The following B4GALT3 variants were observed in gnomAD, a reference collection of about 807,000 sequenced individuals.
B4GALT3 encodes N-acetyllactosamine synthase.
B4GALT3 carries 29 observed loss-of-function variants against 40.7 expected under a neutral mutation model. That is an observed-to-expected ratio of 0.71 (90% CI 0.53 to 0.97). The LOEUF is 0.97. Ranked by LOEUF, B4GALT3 falls within the 50% of genes least tolerant of loss-of-function variation. B4GALT3 has a pLI of 0.00. For synonymous variants in B4GALT3, 182 were observed against 203.9 expected, an observed-to-expected ratio of 0.89 and a Z score of 0.92; for missense variants, 390 against 522.3, an observed-to-expected ratio of 0.75 and a Z score of 2.47.
intron 2 of B4GALT3, 89 bp downstream of exon 2, chr1:161,176,345 A>C (rs1663513611): frequency 5.7e-6 from 3 of 526,424 alleles, no homozygotes; most frequent in African/African-American, 1.9e-5. Context: ...ACCCCCAAAA[A>C]TGTTTACATC....
intron 1 of B4GALT3, chr1:161,177,099 G>A: frequency 6.5e-7 from 1 of 1,528,172 alleles, no homozygotes; most frequent in Non-Finnish European, 8.8e-7. Flanking sequence ...TGGGGAGGAG[G>A]GTTACTGCTG....
rs1382855156 is a variant in B4GALT3 at position 161,176,016 on chromosome 1, A to G, written c.45T>C (p.Leu15=). 1.9e-6 allele frequency: 3 copies of G among 1,614,138 alleles called. No homozygotes were observed. The highest frequency in any genetic ancestry group is 2.5e-6 in the Non-Finnish European group (3 of 1,180,024). ...TCATGACAGCCAGCTGGGAGCCCAC[A>G]AGCAGGGCCAGCGTGCAAGGCCGCT... ...LLERPCTLAL[L]VGSQLAVMMY... is the part of the protein sequence containing the mutation. The change falls in exon 3 of 8, where the codon CTT becomes CTC. Residue 15 remains leucine, a synonymous_variant. Transcript: ENST00000319769.
Position 161,171,586 on chromosome 1 carries a change from A to G in B4GALT3, c.*230T>C. ...CTAGGAATCGTCACATAAAATCATG[A>G]CATCAAGGATTCACAGTCATAAGCC... On this transcript the variant is annotated 3_prime_UTR_variant, in exon 8 of 8. Transcript: ENST00000319769. 1 of 626,814 alleles carries G rather than the reference A, an allele frequency of 1.6e-6. No homozygotes were observed. Among genetic ancestry groups the G allele is most frequent in the Non-Finnish European group, 2.7e-6 (1 of 365,350 alleles). The allele number at this position is 626,814 out of a possible 1,614,324, so 38.8% of individuals were successfully genotyped here.
At chr1:161,173,173 A>G (rs1314025175) in intron 6 of B4GALT3, among the ~76,000 whole-genome samples, 2 of 152,230 alleles carry the variant, frequency 1.3e-5, no homozygotes, top group African/African-American at 4.8e-5. Context: ...GCTGAAGGTC[A>G]GAATGTTTCA....
At chr1:161,177,022 C>T in intron 1 of B4GALT3, 1 of 1,535,966 alleles carries the variant, frequency 6.5e-7, no homozygotes, top group East Asian at 2.4e-5. Flanking sequence ...AGCCCCGGAG[C>T]TCGGCGGAGA....
chr1:161,177,352 A>G (rs1571552168), intron 1 of B4GALT3, 71 bp downstream of exon 1: 2 of 445,034 alleles, frequency 4.5e-6, no homozygotes, highest in East Asian at 8.1e-5. Context: ...GTTACCCAAA[A>G]CTTCTCACTC....
At chr1:161,177,538 G>T (rs1323555153), upstream of B4GALT3, 2 of 169,930 alleles carry the variant, frequency 1.2e-5, no homozygotes, top group Non-Finnish European at 2.6e-5. Flanking sequence ...GCGGGGCCTC[G>T]GGGCGGAGCC....
chr1:161,176,747 T>G, intron 1 of B4GALT3, 168 bp from the exon 2 acceptor site: 1 of 896,166 alleles, frequency 1.1e-6, no homozygotes, highest in Non-Finnish European at 1.7e-6. Context: ...CCTGGAATGA[T>G]AAGTGTCAGG....
intron 4 of B4GALT3, 122 bp downstream of exon 4, chr1:161,174,871 A>C (rs923900564): frequency 6.1e-5 from 65 of 1,065,416 alleles, no homozygotes; most frequent in Middle Eastern, 2.1e-4. Context: ...GCTTCTCCAC[A>C]CTCTAACAGT....
rs1661532456 is a variant in B4GALT3, at chr1:161,171,811, A to G, written c.*5T>C. On this transcript the variant is annotated 3_prime_UTR_variant, in exon 8 of 8. Transcript: ENST00000319769. ...TTCATGATTAAGGTAGACAGGAAGG[A>G]GGAGTCAGTGTGAACCTCGGAGGGC... The G allele has an allele frequency of 6.2e-7, 1 of 1,613,814 alleles. No individual in the cohort carries two copies. Among genetic ancestry groups the G allele is most frequent in the Non-Finnish European group, 8.5e-7 (1 of 1,179,894 alleles).
At chr1:161,172,472 A>G in intron 6 of B4GALT3, 141 bp from the exon 7 acceptor site, 1 of 698,436 alleles carries the variant, frequency 1.4e-6, no homozygotes, top group Non-Finnish European at 2.3e-6. Flanking sequence ...AGTCAAACAG[A>G]AAGAAGGAAA....
intron 3 of B4GALT3, among the ~76,000 whole-genome samples, chr1:161,175,593 G>A (rs926351173): frequency 6.6e-6 from 1 of 152,132 alleles, no homozygotes; most frequent in African/African-American, 2.4e-5. Context: ...ACAAGCAGTA[G>A]AAAGTGGAAA....
chr1:161,171,692 C>T lies in B4GALT3; in HGVS notation c.*124G>A, dbSNP rs1216763402. ...TCCAGCAGTGAGGGAGAGGCCCCTA[C>T]CCCCTAGCACGGCACCAGAGTTCAG... On this transcript the variant is annotated 3_prime_UTR_variant, in exon 8 of 8. Coordinates refer to ENST00000319769, the MANE Select transcript of B4GALT3 (RefSeq NM_003779.4). 1 of 1,373,554 alleles carries T rather than the reference C, an allele frequency of 7.3e-7. No homozygotes were observed. Among genetic ancestry groups the T allele is most frequent in the East Asian group, 2.3e-5 (1 of 43,204 alleles). The allele number at this position is 1,373,554 out of a possible 1,614,324, so 85.1% of individuals were successfully genotyped here. A position where few individuals can be genotyped will look rare whatever the true frequency, so the allele number is the denominator to read the frequency against.
Position 161,171,746 on chromosome 1 carries a change from G to A in B4GALT3, c.*70C>T. ...CCTCACATCCCTCTGAGAACAGTGA[G>A]GAGCTGAGGGTGGGGAGAATACAAC... is the stretch of plus-strand genomic sequence containing the variant. On this transcript the variant is annotated 3_prime_UTR_variant, in exon 8 of 8. Coordinates refer to ENST00000319769, the MANE Select transcript of B4GALT3 (RefSeq NM_003779.4). 2 of 1,565,540 alleles carry A rather than the reference G, an allele frequency of 1.3e-6. No individual in the cohort carries two copies. The highest frequency in any genetic ancestry group is 1.7e-6 in the Non-Finnish European group (2 of 1,148,500).
At chr1:161,177,842 C>G (rs950285647), upstream of B4GALT3, 1 of 152,238 alleles carries the variant, frequency 6.6e-6, no homozygotes, top group Non-Finnish European at 1.5e-5. Context: ...TTGGCTGAGC[C>G]CTCTCCCAGT....
intron 6 of B4GALT3, 78 bp from the exon 7 acceptor site, chr1:161,172,409 C>CA (rs1166652803): frequency 5.6e-6 from 7 of 1,242,700 alleles, no homozygotes; most frequent in South Asian, 3.1e-5. Context: ...TCTGTACACA[C>CA]AAAAAAACAA....
rs1158693827 is a variant in B4GALT3, at chr1:161,172,528, C to T, written c.804-197G>A. The T allele has an allele frequency of 5.2e-6, 3 of 580,312 alleles. No homozygotes were observed. The East Asian group carries it at 8.9e-5, about 17-fold the overall frequency. 35.9% of individuals were successfully genotyped at this position (580,312 alleles called of 1,614,324 possible). ...GCTGGATGTATCCAAATCCTCAGGGCCCAGTGCCAGTCACCCTAGGGCCTT... is the reference window on the plus strand; with the variant it reads ...GCTGGATGTATCCAAATCCTCAGGGTCCAGTGCCAGTCACCCTAGGGCCTT... On this transcript the variant is annotated intron_variant, in intron 6 of 7. Coordinates refer to ENST00000319769, the MANE Select transcript of B4GALT3 (RefSeq NM_003779.4).
chr1:161,176,858 C>T (rs1368067383), intron 1 of B4GALT3: 18 of 1,535,672 alleles, frequency 1.2e-5, no homozygotes, highest in Middle Eastern at 3.3e-4. Context: ...GACCAAGAAC[C>T]AGTTGAAGTG....
intron 4 of B4GALT3, 110 bp from the exon 5 acceptor site, chr1:161,174,159 G>A (rs1360328443): frequency 2.4e-5 from 29 of 1,201,094 alleles, no homozygotes; most frequent in Non-Finnish European, 3.2e-5. Flanking sequence ...TGTAATCCCA[G>A]TACTTTGGGA....
Sources: gnomAD v4.1 joint callset for allele counts (sites outside exome capture counted in the v4.1 genomes callset) on GRCh38, gnomAD v4.1.1 for gene constraint, MANE v1.5 for transcripts, NCBI Gene and HGNC (gene_info 2026-07-23, HGNC 2026-07-21) for gene names.